Variants in DCC observed in about 807,000 individuals in gnomAD.
DCC encodes the protein netrin receptor DCC.
Under a neutral mutation model 172.5 loss-of-function variants are expected in DCC, and 58 were observed. The observed-to-expected ratio is 0.34, with a 90% confidence interval of 0.27 to 0.42. DCC has a LOEUF of 0.42. DCC is among the 10% of genes least tolerant of loss of function. The pLI is 1.00. For missense variants in DCC, 1,740 were observed against 1,791.0 expected (o/e 0.97, Z 0.51); for synonymous variants, 709 against 644.5 (o/e 1.10, Z -1.52).
rs4547433 is a variant in DCC, at chr18:52,603,999, G to T, written c.92-148055G>T. On this transcript the variant is annotated intron_variant, in intron 1 of 28. Transcript: ENST00000442544. Reference sequence around the variant, plus strand: ...CTTGTCAATATTTGCTAGGTTTGCAGTAGTGCTTGGGAATGTGTGAAAGGT... The same window carrying T: ...CTTGTCAATATTTGCTAGGTTTGCATTAGTGCTTGGGAATGTGTGAAAGGT... Among the ~76,000 whole-genome samples, 796 of 150,728 alleles carry T rather than the reference G, an allele frequency of 5.3e-3. 28 individuals carry two copies. In the East Asian group the frequency reaches 0.11, roughly 21 times the overall value.
At chr18:53,341,991 G>A (rs1027858486) in intron 15 of DCC, among the ~76,000 whole-genome samples, 6 of 152,040 alleles carry the variant, frequency 3.9e-5, no homozygotes, top group Non-Finnish European at 7.4e-5. Flanking sequence ...TTTAAGGACT[G>A]TATGACAGTT....
At chr18:53,253,319 G>A (rs1316445899) in intron 12 of DCC, among the ~76,000 whole-genome samples, 2 of 151,960 alleles carry the variant, frequency 1.3e-5, no homozygotes, top group Non-Finnish European at 2.9e-5. Context: ...CATTTCATAA[G>A]TATTATTTTA....
chr18:52,519,243 G>T (rs1373009190), intron 1 of DCC, among the ~76,000 whole-genome samples: 1 of 152,088 alleles, frequency 6.6e-6, no homozygotes, highest in Non-Finnish European at 1.5e-5. Flanking sequence ...AGCTTTCCTA[G>T]GTTTATCTGT....
chr18:53,428,893 T>C (rs1380360821), intron 21 of DCC, among the ~76,000 whole-genome samples: 4 of 53,548 alleles, frequency 7.5e-5, no homozygotes, highest in Non-Finnish European at 1.4e-4. Context: ...TTATATATTA[T>C]ATATTTTATA....
intron 5 of DCC, among the ~76,000 whole-genome samples, chr18:52,977,716 A>C (rs889779661): frequency 6.6e-6 from 1 of 151,608 alleles, no homozygotes; most frequent in Non-Finnish European, 1.5e-5. Context: ...AAACCCCGTC[A>C]CTACTAAAAA....
intron 2 of DCC, chr18:52,758,654 T>A (rs1433820793): frequency 6.7e-6 from 1 of 149,558 alleles, no homozygotes; most frequent in Non-Finnish European, 1.5e-5. Flanking sequence ...ACCTTTATGT[T>A]CTTACTTAAA....
chr18:53,138,442 A>T (rs1009142183), intron 7 of DCC, among the ~76,000 whole-genome samples: 1 of 152,208 alleles, frequency 6.6e-6, no homozygotes, highest in Non-Finnish European at 1.5e-5. Context: ...AATAACATAG[A>T]TCATAATATT....
intron 1 of DCC, among the ~76,000 whole-genome samples, chr18:52,610,174 AAAAAATATATATATATAT>A (rs2034236645): frequency 6.4e-5 from 1 of 15,662 alleles, no homozygotes; most frequent in African/African-American, 2.8e-4. Flanking sequence ...AAAAAAAAAA[AAAAAATATATATATATAT>A]ATATATATAT....
intron 7 of DCC, among the ~76,000 whole-genome samples, chr18:53,128,870 CATATATATATATAT>C (rs367907467): frequency 0.012 from 926 of 77,440 alleles, 19 homozygotes; most frequent in East Asian, 0.094. Context: ...CACACACACA[CATATATATATATAT>C]ATATATATAT....
At chr18:52,562,372 T>C (rs552486211) in intron 1 of DCC, among the ~76,000 whole-genome samples, 202 of 152,314 alleles carry the variant, frequency 1.3e-3, no homozygotes, top group African/African-American at 4.8e-3. Context: ...TAAGTCAGCC[T>C]TTCTGACAAT....
intron 1 of DCC, among the ~76,000 whole-genome samples, chr18:52,512,585 C>T (rs2031481536): frequency 6.6e-6 from 1 of 152,126 alleles, no homozygotes; most frequent in African/African-American, 2.4e-5. Flanking sequence ...AATCCATTGT[C>T]ATATTTCTTG....
chr18:52,869,556 C>A (rs144529433), intron 2 of DCC, among the ~76,000 whole-genome samples: 7 of 152,192 alleles, frequency 4.6e-5, no homozygotes, highest in African/African-American at 1.7e-4. Context: ...GGGGCCTCAC[C>A]GTGGACCCAC....
chr18:52,957,499 TCTG>T (rs2040764892), intron 5 of DCC, among the ~76,000 whole-genome samples: 1 of 152,134 alleles, frequency 6.6e-6, no homozygotes. Flanking sequence ...TTGTAGAACA[TCTG>T]CTAAATACCA....
intron 1 of DCC, among the ~76,000 whole-genome samples, chr18:52,677,292 A>G (rs943110693): frequency 2.0e-5 from 3 of 152,150 alleles, no homozygotes; most frequent in Admixed American, 1.3e-4. Context: ...TTACTCCCTA[A>G]TTATGAGAAA....
chr18:53,414,435 G>T (rs1910178414), intron 20 of DCC, among the ~76,000 whole-genome samples: 1 of 152,052 alleles, frequency 6.6e-6, no homozygotes, highest in East Asian at 1.9e-4. Context: ...GGTGGTGATG[G>T]TTTCATAAGT....
chr18:52,401,774 ATGCT>A (rs1986450268), intron 1 of DCC, among the ~76,000 whole-genome samples: 1 of 152,030 alleles, frequency 6.6e-6, no homozygotes, highest in South Asian at 2.1e-4. Context: ...GAAGTTCATT[ATGCT>A]CAATTTTAGG....
chr18:52,345,789 G>A (rs1013490670), intron 1 of DCC, among the ~76,000 whole-genome samples: 1 of 151,394 alleles, frequency 6.6e-6, no homozygotes, highest in Non-Finnish European at 1.5e-5. Context: ...TGCTTTTGGT[G>A]GAGAGTTAAA....
intron 7 of DCC, among the ~76,000 whole-genome samples, chr18:53,071,526 A>G (rs1278846174): frequency 1.3e-5 from 2 of 152,198 alleles, no homozygotes; most frequent in Non-Finnish European, 2.9e-5. Context: ...GTCTCTCTCT[A>G]TAGAACACAT....
At chr18:53,293,076 C>T (rs568410412) in intron 12 of DCC, among the ~76,000 whole-genome samples, 4 of 152,288 alleles carry the variant, frequency 2.6e-5, no homozygotes, top group South Asian at 4.1e-4. Flanking sequence ...CCTTTCTCAT[C>T]GATCACCTCT....
Sources: gnomAD v4.1 joint callset for allele counts (sites outside exome capture counted in the v4.1 genomes callset) on GRCh38, gnomAD v4.1.1 for gene constraint, MANE v1.5 for transcripts, NCBI Gene and HGNC (gene_info 2026-07-23, HGNC 2026-07-21) for gene names.